The following ENTREP2 variants were observed in gnomAD, a reference collection of about 807,000 sequenced individuals.
ENTREP2 encodes endosomal transmembrane epsin interactor 2.
the ENTREP2 span, among the ~76,000 whole-genome samples, chr15:29,260,824 G>T: frequency 6.6e-6 from 1 of 152,038 alleles, no homozygotes; most frequent in Non-Finnish European, 1.5e-5. Context: ...TTTAAAATAA[G>T]GCAGGAAGGA....
the ENTREP2 span, among the ~76,000 whole-genome samples, chr15:29,619,562 C>T: frequency 2.0e-5 from 3 of 152,038 alleles, no homozygotes; most frequent in Non-Finnish European, 4.4e-5. Context: ...AGTGCCTACA[C>T]GCTTATCCAG....
the ENTREP2 span, among the ~76,000 whole-genome samples, chr15:29,655,596 T>C: frequency 6.6e-6 from 1 of 152,142 alleles, no homozygotes; most frequent in Admixed American, 6.5e-5. Context: ...AGACAGGAAA[T>C]TTAAGATAAC....
the ENTREP2 span, among the ~76,000 whole-genome samples, chr15:29,634,319 T>G: frequency 1.3e-5 from 2 of 151,978 alleles, no homozygotes; most frequent in East Asian, 3.9e-4. Context: ...CAGGACCCCC[T>G]CCCAGGACAA....
chr15:29,439,186 T>G, the ENTREP2 span, among the ~76,000 whole-genome samples: 1 of 151,732 alleles, frequency 6.6e-6, no homozygotes, highest in African/African-American at 2.4e-5. Context: ...CATTCTCTGA[T>G]AAAAGGAGAA....
At chr15:29,126,013 A>C in the ENTREP2 span, among the ~76,000 whole-genome samples, 1 of 152,116 alleles carries the variant, frequency 6.6e-6, no homozygotes, top group Non-Finnish European at 1.5e-5. Flanking sequence ...CTTATAGCTA[A>C]TGTCCTGGAC....
chr15:29,158,692 CCTTTA>C, the ENTREP2 span, among the ~76,000 whole-genome samples: 1 of 149,326 alleles, frequency 6.7e-6, no homozygotes, highest in South Asian at 2.1e-4. Flanking sequence ...CTATAAAATT[CCTTTA>C]CAAGGTGATT....
the ENTREP2 span, among the ~76,000 whole-genome samples, chr15:29,135,640 A>G: frequency 2.6e-5 from 4 of 152,142 alleles, no homozygotes; most frequent in South Asian, 8.3e-4. This position sits in a 1 kb window ranked among gnomAD's most constrained non-coding sequence, Gnocchi z 7.4. Flanking sequence ...TCGTCCCATA[A>G]CCCTGGTACT....
chr15:29,371,911 A>AACAG, the ENTREP2 span, among the ~76,000 whole-genome samples: 1 of 149,498 alleles, frequency 6.7e-6, no homozygotes, highest in Non-Finnish European at 1.5e-5. Context: ...AAAATAAATA[A>AACAG]ATAGATAGAT....
At chr15:29,348,619 A>T in the ENTREP2 span, among the ~76,000 whole-genome samples, 1 of 152,200 alleles carries the variant, frequency 6.6e-6, no homozygotes, top group Non-Finnish European at 1.5e-5. Context: ...GAGCTTTGAA[A>T]GGTTCGCAAA....
chr15:29,594,589 C>T, the ENTREP2 span, among the ~76,000 whole-genome samples: 2 of 152,136 alleles, frequency 1.3e-5, no homozygotes, highest in Non-Finnish European at 2.9e-5. Flanking sequence ...AGGAGTCACT[C>T]ATGAATTTTT....
the ENTREP2 span, among the ~76,000 whole-genome samples, chr15:29,205,681 T>C: frequency 0.38 from 58,278 of 152,028 alleles, 11,449 homozygotes; most frequent in East Asian, 0.55. Context: ...TGTGTTCTTG[T>C]TGAGCTGTAG....
chr15:29,578,386 G>A, the ENTREP2 span, among the ~76,000 whole-genome samples: 5 of 152,220 alleles, frequency 3.3e-5, no homozygotes, highest in East Asian at 7.7e-4. Flanking sequence ...CCTGGAGCAT[G>A]TTTGTTCAGG....
At chr15:29,118,735 G>C in the ENTREP2 span, among the ~76,000 whole-genome samples, 1 of 152,242 alleles carries the variant, frequency 6.6e-6, no homozygotes, top group East Asian at 1.9e-4. Context: ...GCCCATCCCA[G>C]CACCCTGTCT....
the ENTREP2 span, among the ~76,000 whole-genome samples, chr15:29,557,598 A>T: frequency 6.6e-5 from 10 of 152,240 alleles, no homozygotes; most frequent in Non-Finnish European, 1.3e-4. Flanking sequence ...ACGGGAGGGG[A>T]GAAGTGGTGG....
At chr15:29,240,182 T>G in the ENTREP2 span, among the ~76,000 whole-genome samples, 19 of 152,024 alleles carry the variant, frequency 1.2e-4, no homozygotes, top group South Asian at 3.7e-3. Context: ...GACCAACATG[T>G]AGAAACCCTG....
chr15:29,126,569 C>T, the ENTREP2 span: 2 of 1,255,086 alleles, frequency 1.6e-6, no homozygotes, highest in African/African-American at 1.5e-5. Context: ...CCCTCAAACT[C>T]CAGACCTAGA....
the ENTREP2 span, among the ~76,000 whole-genome samples, chr15:29,165,961 A>G: frequency 6.6e-5 from 10 of 152,248 alleles, no homozygotes; most frequent in Non-Finnish European, 1.2e-4. Context: ...CATATCAAAA[A>G]GACAATACAT....
the ENTREP2 span, among the ~76,000 whole-genome samples, chr15:29,601,046 C>T: frequency 0.33 from 47,301 of 142,162 alleles, 3,386 homozygotes; most frequent in African/African-American, 0.46. Flanking sequence ...TACAGGTGCC[C>T]GCCACCACGC....
At chr15:29,249,597 T>C in the ENTREP2 span, among the ~76,000 whole-genome samples, 1 of 152,174 alleles carries the variant, frequency 6.6e-6, no homozygotes, top group Non-Finnish European at 1.5e-5. Context: ...TGTATAATTT[T>C]TATATATGAA....
Sources: gnomAD v4.1 joint callset for allele counts (sites outside exome capture counted in the v4.1 genomes callset) on GRCh38, gnomAD v4.1.1 for gene constraint, Gnocchi (gnomAD v3.1) non-coding constraint, MANE v1.5 for transcripts, NCBI Gene and HGNC (gene_info 2026-07-23, HGNC 2026-07-21) for gene names.